The following GRXCR2 variants were observed in gnomAD, a reference collection of about 807,000 sequenced individuals.
GRXCR2 encodes the protein glutaredoxin and cysteine rich domain containing 2.
In GRXCR2, 23 loss-of-function variants were observed where a neutral mutation model predicts 24.8. That is an observed-to-expected ratio of 0.93 (90% CI 0.67 to 1.32). GRXCR2 has a LOEUF of 1.32. Ranked by LOEUF, GRXCR2 falls within the 40% of genes most tolerant of loss-of-function variation. GRXCR2 has a pLI of 0.00. For synonymous variants in GRXCR2, 130 were observed against 116.1 expected (o/e 1.12, Z -0.77); for missense variants, 315 against 303.4 (o/e 1.04, Z -0.28).
intron 2 of GRXCR2, among the ~76,000 whole-genome samples, chr5:145,909,536 G>C (rs959203215): frequency 1.3e-5 from 2 of 152,140 alleles, no homozygotes; most frequent in African/African-American, 4.8e-5. Context: ...GCCCCCCTCA[G>C]TGTAACTGCC....
chr5:145,911,947 A>G (rs1272898668), intron 2 of GRXCR2, among the ~76,000 whole-genome samples: 3 of 152,160 alleles, frequency 2.0e-5, no homozygotes, highest in African/African-American at 7.2e-5. Flanking sequence ...CAACAAAAAA[A>G]TTAGCCCAGT....
chr5:145,931,154 C>G (rs565781128), intron 2 of GRXCR2, among the ~76,000 whole-genome samples: 40 of 152,280 alleles, frequency 2.6e-4, no homozygotes, highest in African/African-American at 8.9e-4. Flanking sequence ...ACCTCAGCCT[C>G]CCTAGTAGCT....
At chr5:145,859,949 G>T (rs774660758) in intron 2 of GRXCR2, 34 bp from the exon 3 acceptor site, 2 of 1,514,660 alleles carry the variant, frequency 1.3e-6, no homozygotes, top group East Asian at 4.6e-5. Context: ...AGTTAAAGCA[G>T]CAGTTCAAGT....
At chr5:145,920,339 G>C (rs1006240069) in intron 2 of GRXCR2, among the ~76,000 whole-genome samples, 2 of 152,184 alleles carry the variant, frequency 1.3e-5, no homozygotes, top group African/African-American at 4.8e-5. Flanking sequence ...TAGAAACCGT[G>C]GGGATGGGCC....
At chr5:145,907,434 C>G (rs1757107715) in intron 2 of GRXCR2, among the ~76,000 whole-genome samples, 2 of 151,918 alleles carry the variant, frequency 1.3e-5, no homozygotes. Context: ...GAGGCCAAAG[C>G]AGGAGAATCG....
chr5:145,859,762 G>A lies in GRXCR2; in HGVS notation c.718C>T (p.Leu240=), dbSNP rs758492472. 3 of 1,614,216 alleles carry A rather than the reference G, an allele frequency of 1.9e-6. No individual in the cohort carries two copies. Among genetic ancestry groups the A allele is most frequent in the Non-Finnish European group, 2.5e-6 (3 of 1,180,028 alleles). Residue 240 remains leucine, a synonymous_variant, in exon 3 of 3, where the codon CTA becomes TTA. Transcript: ENST00000377976. ...LRCPACNENG[L]QPCQICNQ is the part of the protein sequence containing the mutation. ...TGATTGCAAATCTGGCAAGGCTGTAGGCCATTCTCATTGCAGGCAGGGCAC... is the reference window on the plus strand; with the variant it reads ...TGATTGCAAATCTGGCAAGGCTGTAAGCCATTCTCATTGCAGGCAGGGCAC...
At chr5:145,887,727 C>A (rs1756797606) in intron 2 of GRXCR2, among the ~76,000 whole-genome samples, 1 of 152,116 alleles carries the variant, frequency 6.6e-6, no homozygotes, top group African/African-American at 2.4e-5. Context: ...ACTGAAAATG[C>A]ACATAAATTA....
rs578238408 is a variant in GRXCR2 at position 145,882,309 on chromosome 5, CA to C, written c.-69-15582del. Among the ~76,000 whole-genome samples the C allele has an allele frequency of 3.9e-5, 6 of 152,152 alleles. No homozygotes were observed. The South Asian group carries it at 1.3e-3, about 32-fold the overall frequency. On this transcript the variant is annotated intron_variant, in intron 2 of 3. Transcript: ENST00000639411. ...TAATATCCAGAATCTACAATGAACT[CA>C]AACAAATGTACAAGAAAAAAACAAA...
chr5:145,911,670 C>T (rs1275490823), intron 2 of GRXCR2, among the ~76,000 whole-genome samples: 1 of 152,126 alleles, frequency 6.6e-6, no homozygotes, highest in Non-Finnish European at 1.5e-5. Context: ...CCTTCAGATC[C>T]CATAGCCAGA....
At chr5:145,924,346 G>T (rs1757362933) in intron 2 of GRXCR2, among the ~76,000 whole-genome samples, 1 of 152,140 alleles carries the variant, frequency 6.6e-6, no homozygotes, top group Non-Finnish European at 1.5e-5. Context: ...AAACCAAAGG[G>T]ATTTTTATCG....
At chr5:145,922,515 T>C (rs1319617183) in intron 2 of GRXCR2, among the ~76,000 whole-genome samples, 1 of 152,220 alleles carries the variant, frequency 6.6e-6, no homozygotes, top group Admixed American at 6.5e-5. Context: ...TATTTCAGTG[T>C]CATCAGGCTT....
intron 2 of GRXCR2, among the ~76,000 whole-genome samples, chr5:145,915,110 A>G (rs1384972418): frequency 6.6e-6 from 1 of 152,132 alleles, no homozygotes; most frequent in African/African-American, 2.4e-5. Flanking sequence ...CTGCTGTCCC[A>G]CAGGCTCCCC....
At chr5:145,889,219 A>G (rs1471793311) in intron 2 of GRXCR2, among the ~76,000 whole-genome samples, 1 of 150,478 alleles carries the variant, frequency 6.6e-6, no homozygotes, top group Non-Finnish European at 1.5e-5. Flanking sequence ...AAAGAAAGAA[A>G]GAAAGAAAGA....
In GRXCR2 at chr5:145,896,325, T is replaced by G. The variant is rs547637789; in HGVS notation, c.-69-29597A>C. On this transcript the variant is annotated intron_variant, in intron 2 of 3. Coordinates refer to the GRXCR2 transcript ENST00000639411. Reference sequence around the variant, plus strand: ...AGAGCTTCTGCACAGCAAAGGAAACTACCATCAGAGTGCACAGGCAACCTA... The same window carrying G: ...AGAGCTTCTGCACAGCAAAGGAAACGACCATCAGAGTGCACAGGCAACCTA... Among the ~76,000 whole-genome samples the G allele has an allele frequency of 2.0e-5, 3 of 152,306 alleles. No individual in the cohort carries two copies. In the East Asian group the frequency reaches 5.8e-4, roughly 29 times the overall value.
chr5:145,858,316 C>CAAAAAAA (rs139918161), downstream of GRXCR2, among the ~76,000 whole-genome samples: 84 of 121,254 alleles, frequency 6.9e-4, 2 homozygotes, highest in East Asian at 0.011. Context: ...CTGTCTCCCA[C>CAAAAAAA]AAAAAAAAAA....
chr5:145,873,816 G>A (rs755208176), upstream of GRXCR2, among the ~76,000 whole-genome samples: 4 of 152,174 alleles, frequency 2.6e-5, no homozygotes, highest in Admixed American at 6.5e-5. Flanking sequence ...GTTGGACTTC[G>A]TAAATGCCTG....
At chr5:145,864,146 G>A (rs967128099) in intron 2 of GRXCR2, among the ~76,000 whole-genome samples, 1 of 152,144 alleles carries the variant, frequency 6.6e-6, no homozygotes, top group Non-Finnish European at 1.5e-5. Flanking sequence ...AGATCCCTCT[G>A]AGGAAGTGAT....
chr5:145,908,451 G>A (rs191371652), intron 2 of GRXCR2, among the ~76,000 whole-genome samples: 2 of 152,156 alleles, frequency 1.3e-5, no homozygotes, highest in Non-Finnish European at 1.5e-5. Flanking sequence ...CAGAATCCTG[G>A]TGGGTTTCAT....
chr5:145,915,179 G>A (rs1201156283), intron 2 of GRXCR2, among the ~76,000 whole-genome samples: 1 of 152,180 alleles, frequency 6.6e-6, no homozygotes, highest in Admixed American at 6.5e-5. Context: ...AATGATCTGG[G>A]AGGAGGTTCT....
Sources: allele counts gnomAD v4.1 joint callset (sites outside exome capture counted in the v4.1 genomes callset), GRCh38; gene constraint gnomAD v4.1.1; transcripts MANE v1.5; gene names NCBI Gene and HGNC (gene_info 2026-07-23, HGNC 2026-07-21).